Variants in KIAA0319L observed in about 807,000 individuals in gnomAD.
KIAA0319L encodes the protein dyslexia-associated protein KIAA0319-like protein.
Under a neutral mutation model 120.1 loss-of-function variants are expected in KIAA0319L, and 55 were observed. That is an observed-to-expected ratio of 0.46 (90% CI 0.37 to 0.57). The LOEUF (loss-of-function observed/expected upper bound fraction) is 0.57, where lower values mean the gene tolerates loss of function less well. Ranked by LOEUF, KIAA0319L falls within the 20% of genes least tolerant of loss-of-function variation. The pLI is 0.00. For synonymous variants in KIAA0319L, 398 were observed against 471.9 expected (o/e 0.84, Z 2.03); for missense variants, 1,049 against 1,255.3 (o/e 0.84, Z 2.48).
intron 2 of KIAA0319L, among the ~76,000 whole-genome samples, chr1:35,542,092 G>A (rs74498503): frequency 0.016 from 2,368 of 152,260 alleles, 68 homozygotes; most frequent in African/African-American, 0.054. Flanking sequence ...AGCTAGCAGA[G>A]AACTCAACCC....
At chr1:35,443,622 G>A (rs1199433733) in intron 17 of KIAA0319L, among the ~76,000 whole-genome samples, 2 of 152,036 alleles carry the variant, frequency 1.3e-5, no homozygotes, top group Admixed American at 1.3e-4. Context: ...GCAGTGAGCT[G>A]AGATTACACC....
chr1:35,496,946 C>CAAAAAAAAAAAAAAAAAAAAAAAAAA (rs1558484218), intron 3 of KIAA0319L, among the ~76,000 whole-genome samples: 3 of 64,394 alleles, frequency 4.7e-5, no homozygotes, highest in South Asian at 5.9e-4. Flanking sequence ...GATTGTGTCT[C>CAAAAAAAAAAAAAAAAAAAAAAAAAA]CAAAAAAAAA....
chr1:35,555,168 T>C (rs1184324161), intron 1 of KIAA0319L, among the ~76,000 whole-genome samples: 1 of 152,204 alleles, frequency 6.6e-6, no homozygotes, highest in Admixed American at 6.5e-5. Flanking sequence ...TTTAGGTCTC[T>C]TCCAGCAGAA....
At chr1:35,443,986 A>C (rs567900690) in intron 17 of KIAA0319L, 175 bp downstream of exon 17, 1 of 513,628 alleles carries the variant, frequency 1.9e-6, no homozygotes, top group South Asian at 5.1e-5. Context: ...CATGGGCCCC[A>C]AGTTAAGAAT....
intron 3 of KIAA0319L, among the ~76,000 whole-genome samples, chr1:35,494,296 A>C (rs1644712867): frequency 6.6e-6 from 1 of 151,710 alleles, no homozygotes; most frequent in Admixed American, 6.6e-5. Context: ...AAAAATACAA[A>C]AAATTAGCCG....
chr1:35,484,808 T>TA (rs1644319413), intron 3 of KIAA0319L, among the ~76,000 whole-genome samples: 12 of 108,942 alleles, frequency 1.1e-4, no homozygotes, highest in South Asian at 5.1e-4. Context: ...ATATATATAT[T>TA]TTTTTTTTTA....
intron 3 of KIAA0319L, among the ~76,000 whole-genome samples, chr1:35,499,042 A>C (rs528164328): frequency 1.3e-5 from 2 of 152,306 alleles, no homozygotes; most frequent in East Asian, 1.9e-4. Context: ...ATCTTTATAG[A>C]AATTAATTAA....
At chr1:35,452,943 G>C (rs1466058807) in intron 12 of KIAA0319L, among the ~76,000 whole-genome samples, 1 of 152,070 alleles carries the variant, frequency 6.6e-6, no homozygotes, top group Admixed American at 6.6e-5. Flanking sequence ...GAATTCTTTT[G>C]CTACTTGTGG....
At chr1:35,555,354 C>G (rs1647819404) in intron 1 of KIAA0319L, among the ~76,000 whole-genome samples, 2 of 152,164 alleles carry the variant, frequency 1.3e-5, no homozygotes, top group South Asian at 4.1e-4. Flanking sequence ...AGGCTGCCAA[C>G]CCCTAACTCC....
At chr1:35,445,778 A>T (rs1397198555) in intron 16 of KIAA0319L, among the ~76,000 whole-genome samples, 2 of 152,166 alleles carry the variant, frequency 1.3e-5, no homozygotes, top group Non-Finnish European at 2.9e-5. Context: ...ATTTTCTTCC[A>T]ATCACATGTT....
At chr1:35,535,719 T>A (rs1646549208) in intron 2 of KIAA0319L, among the ~76,000 whole-genome samples, 1 of 152,134 alleles carries the variant, frequency 6.6e-6, no homozygotes, top group African/African-American at 2.4e-5. Flanking sequence ...GGCCACCACT[T>A]TTTCCAGGAA....
At chr1:35,490,847 A>G (rs577212023) in intron 3 of KIAA0319L, among the ~76,000 whole-genome samples, 5 of 152,268 alleles carry the variant, frequency 3.3e-5, no homozygotes, top group African/African-American at 9.6e-5. Flanking sequence ...TTCTCATGAT[A>G]GTGAGTGAGT....
intron 3 of KIAA0319L, among the ~76,000 whole-genome samples, chr1:35,480,858 G>A (rs551936005): frequency 9.7e-4 from 147 of 152,068 alleles, no homozygotes; most frequent in Admixed American, 2.0e-3. Context: ...TAAGGTCAAA[G>A]TTTTGATAAA....
At chr1:35,524,699 T>A (rs1322754535) in intron 2 of KIAA0319L, among the ~76,000 whole-genome samples, 2 of 152,222 alleles carry the variant, frequency 1.3e-5, no homozygotes, top group Non-Finnish European at 2.9e-5. Context: ...AAGCACATCT[T>A]TTTAAAAAAT....
chr1:35,549,375 G>A (rs1647112503), intron 2 of KIAA0319L, among the ~76,000 whole-genome samples: 1 of 152,178 alleles, frequency 6.6e-6, no homozygotes, highest in Non-Finnish European at 1.5e-5. Flanking sequence ...TTATTCCAGA[G>A]AAAGGATTGT....
intron 2 of KIAA0319L, among the ~76,000 whole-genome samples, chr1:35,513,521 G>A (rs747459151): frequency 4.5e-4 from 69 of 151,946 alleles, no homozygotes; most frequent in African/African-American, 8.2e-4. Flanking sequence ...GGAGGCTGAC[G>A]CAGTAGGATT....
chr1:35,506,890 A>C lies in KIAA0319L; in HGVS notation c.388T>G (p.Phe130Val), dbSNP rs774385527. 1.2e-6 allele frequency: 2 copies of C among 1,614,160 alleles called. No individual in the cohort carries two copies. Among genetic ancestry groups the C allele is most frequent in the Non-Finnish European group, 1.7e-6 (2 of 1,180,032 alleles). The change falls in exon 3 of 21, where the codon TTT (phenylalanine) becomes GTT (valine). Residue 130 changes from phenylalanine (F) to valine (V), a missense_variant. Phe to Val is a conservative substitution (Grantham distance 50). Coordinates refer to ENST00000325722, the MANE Select transcript of KIAA0319L (RefSeq NM_024874.5). This position sits in a 1 kb window ranked among gnomAD's most constrained non-coding sequence, Gnocchi z 4.0. ...RTHSSNSMLV[F>V]LKKFQTADDL... ...TCTGCAGTTTGGAATTTTTTTAAAA[A>C]CACCAGCATGGAATTGGAGGAGTGT...
chr1:35,497,151 C>T (rs909601528), intron 3 of KIAA0319L, among the ~76,000 whole-genome samples: 1 of 149,382 alleles, frequency 6.7e-6, no homozygotes, highest in African/African-American at 2.5e-5. Context: ...ATAGGGATGG[C>T]ACACAGGAAC....
intron 2 of KIAA0319L, among the ~76,000 whole-genome samples, chr1:35,550,823 C>T (rs918606457): frequency 6.6e-6 from 1 of 152,022 alleles, no homozygotes; most frequent in Non-Finnish European, 1.5e-5. Flanking sequence ...CCATCTTAGC[C>T]CCCGAGTAGC....
Sources: gnomAD v4.1 joint callset for allele counts (sites outside exome capture counted in the v4.1 genomes callset) on GRCh38, gnomAD v4.1.1 for gene constraint, Gnocchi (gnomAD v3.1) non-coding constraint, MANE v1.5 for transcripts, NCBI Gene and HGNC (gene_info 2026-07-23, HGNC 2026-07-21) for gene names.